GRID2: variants seen among roughly 807,000 people sequenced by gnomAD.
GRID2 encodes the protein glutamate ionotropic receptor delta type subunit 2.
A neutral mutation model predicts 114.8 loss-of-function variants in GRID2; 33 were observed. The ratio of observed to expected loss-of-function variants is 0.29; its 90% confidence interval spans 0.22 to 0.38. The LOEUF (loss-of-function observed/expected upper bound fraction) is 0.38. Among genes scored for constraint, GRID2 ranks in the 10% least tolerant of loss-of-function variants. The probability of loss-of-function intolerance (pLI) is 1.00; values close to 1 mark genes in which losing one functional copy is unlikely to be tolerated. For missense variants in GRID2, 1,184 were observed against 1,257.7 expected (o/e 0.94, Z 0.89); for synonymous variants, 505 against 449.9 (o/e 1.12, Z -1.55).
chr4:93,391,077 T>A (rs557135897), intron 8 of GRID2, among the ~76,000 whole-genome samples: 7 of 152,146 alleles, frequency 4.6e-5, no homozygotes, highest in Non-Finnish European at 1.0e-4. Context: ...CGACTACTAC[T>A]TTATAGTAAT....
intron 2 of GRID2, among the ~76,000 whole-genome samples, chr4:92,675,271 T>G (rs1263854453): frequency 6.6e-6 from 1 of 152,216 alleles, no homozygotes; most frequent in Non-Finnish European, 1.5e-5. Context: ...GCACTTTGGC[T>G]TTTGGAATAG....
chr4:92,510,856 A>G (rs899959198), intron 1 of GRID2, among the ~76,000 whole-genome samples: 4 of 94,028 alleles, frequency 4.3e-5, no homozygotes, highest in Non-Finnish European at 7.7e-5. Context: ...CAATGTGTCA[A>G]TTAAAAAAAA....
At chr4:93,218,169 C>T (rs1744455738) in intron 6 of GRID2, among the ~76,000 whole-genome samples, 1 of 152,008 alleles carries the variant, frequency 6.6e-6, no homozygotes, top group African/African-American at 2.4e-5. Flanking sequence ...TACCCTGTAA[C>T]TTTCTGTTGC....
At position 93,593,151 on chromosome 4, in the gene GRID2, G is replaced by A. The variant is rs567023896; in HGVS notation, c.2194-33118G>A. Reference sequence around the variant, plus strand: ...TTAGTTGCAGTTTCTTCCTAGTCTCGATGGGCTTTACATTTTGGCATGATT... The same window carrying A: ...TTAGTTGCAGTTTCTTCCTAGTCTCAATGGGCTTTACATTTTGGCATGATT... On this transcript the variant is annotated intron_variant, in intron 13 of 15. Coordinates refer to ENST00000282020, the MANE Select transcript of GRID2 (RefSeq NM_001510.4). Among the ~76,000 whole-genome samples the A allele has an allele frequency of 4.6e-4, 70 of 151,506 alleles. 1 individual carries two copies. Among genetic ancestry groups the A allele is most frequent in the African/African-American group, 1.6e-3 (66 of 41,360 alleles).
chr4:93,596,790 A>G (rs1739151324), intron 13 of GRID2, among the ~76,000 whole-genome samples: 1 of 152,138 alleles, frequency 6.6e-6, no homozygotes, highest in South Asian at 2.1e-4. Flanking sequence ...ATTGTTGGAT[A>G]TTGGTTTTTG....
intron 1 of GRID2, among the ~76,000 whole-genome samples, chr4:92,581,929 C>G (rs1217503961): frequency 6.6e-6 from 1 of 152,020 alleles, no homozygotes; most frequent in African/African-American, 2.4e-5. Flanking sequence ...CTAATACCCT[C>G]TGTGATCTTG....
intron 1 of GRID2, among the ~76,000 whole-genome samples, chr4:92,436,932 T>C (rs1336230157): frequency 1.3e-5 from 2 of 152,188 alleles, no homozygotes; most frequent in African/African-American, 2.4e-5. Context: ...GAATGCTTTA[T>C]GTACTAAATA....
intron 2 of GRID2, among the ~76,000 whole-genome samples, chr4:92,765,785 TC>T (rs1445633328): frequency 4.6e-5 from 7 of 152,132 alleles, no homozygotes; most frequent in Non-Finnish European, 1.0e-4. Context: ...CCACCTCAAC[TC>T]CCAGCACAGA....
At chr4:93,238,318 TA>T in intron 7 of GRID2, 52 bp from the exon 8 acceptor site, 1 of 1,348,486 alleles carries the variant, frequency 7.4e-7, no homozygotes, top group African/African-American at 1.5e-5. Flanking sequence ...TATGTTTATT[TA>T]TTTATTTTTT....
At chr4:92,335,543 T>G (rs571511238) in intron 1 of GRID2, among the ~76,000 whole-genome samples, 1 of 152,342 alleles carries the variant, frequency 6.6e-6, no homozygotes, top group African/African-American at 2.4e-5. Flanking sequence ...TTTTCAGTAT[T>G]AAGCAAAGAA....
In GRID2 at chr4:92,330,747, A is replaced by G. The variant is rs1452560270; in HGVS notation, c.88+26003A>G. On this transcript the variant is annotated intron_variant, in intron 1 of 15. Transcript: ENST00000282020. The stretch of plus-strand genomic sequence containing the variant: ...ATACATGTCATTATAAAATATATAT[A>G]TAATCATATAGCCTGTGAATTACAG... 3.3e-5 allele frequency among the ~76,000 whole-genome samples: 5 copies of G among 152,092 alleles called. No homozygotes were observed. In the East Asian group the frequency reaches 7.7e-4, roughly 23 times the overall value.
In GRID2 at chr4:92,563,289, A is replaced by G. The variant is rs147934322; in HGVS notation, c.89-26842A>G. ...ATGGAATGAGTTCTCTATGTCCTCA[A>G]CTAGAAGCTCTTTTCCCCTCCACTA... On this transcript the variant is annotated intron_variant, in intron 1 of 15. Coordinates refer to ENST00000282020, the MANE Select transcript of GRID2 (RefSeq NM_001510.4). Among the ~76,000 whole-genome samples the G allele has an allele frequency of 1.3e-4, 20 of 152,294 alleles. 1 individual carries two copies. The East Asian group carries it at 3.3e-3, about 25-fold the overall frequency.
At chr4:93,300,575 T>C (rs889287018) in intron 8 of GRID2, among the ~76,000 whole-genome samples, 7 of 152,116 alleles carry the variant, frequency 4.6e-5, no homozygotes, top group Non-Finnish European at 1.0e-4. Context: ...GGCAAATATA[T>C]CTTACTATTA....
exon 2 of GRID2, chr4:93,807,667 G>T (rs1735059195): frequency 6.6e-6 from 1 of 152,216 alleles, no homozygotes; most frequent in Admixed American, 6.5e-5. Context: ...AGATAAGTTT[G>T]TTTTCCTTAT....
chr4:93,653,179 T>C (rs931790876), intron 14 of GRID2, among the ~76,000 whole-genome samples: 2 of 151,994 alleles, frequency 1.3e-5, no homozygotes, highest in Non-Finnish European at 2.9e-5. Flanking sequence ...GGAAAAAGTT[T>C]GGAAACGTAA....
intron 14 of GRID2, among the ~76,000 whole-genome samples, chr4:93,745,805 ATATTT>A (rs1399141430): frequency 1.3e-5 from 2 of 152,194 alleles, no homozygotes; most frequent in Non-Finnish European, 2.9e-5. Flanking sequence ...TAGCTATGGC[ATATTT>A]TATTTTATTT....
At chr4:92,710,371 T>C (rs950657505) in intron 2 of GRID2, among the ~76,000 whole-genome samples, 1 of 152,202 alleles carries the variant, frequency 6.6e-6, no homozygotes, top group Non-Finnish European at 1.5e-5. Context: ...TGTGGGTGCA[T>C]TTAAAGATAA....
At chr4:93,592,098 C>A (rs539392422) in intron 13 of GRID2, among the ~76,000 whole-genome samples, 72 of 152,120 alleles carry the variant, frequency 4.7e-4, no homozygotes, top group African/African-American at 1.6e-3. Context: ...CCTTCTGCTA[C>A]CTTTTGAATT....
At chr4:92,431,550 T>C (rs1423866636) in intron 1 of GRID2, among the ~76,000 whole-genome samples, 1 of 151,762 alleles carries the variant, frequency 6.6e-6, no homozygotes, top group Non-Finnish European at 1.5e-5. Flanking sequence ...TGGCCTGTAG[T>C]TTTATTTATT....
Sources: gnomAD v4.1 joint callset for allele counts (sites outside exome capture counted in the v4.1 genomes callset) on GRCh38, gnomAD v4.1.1 for gene constraint, MANE v1.5 for transcripts, NCBI Gene and HGNC (gene_info 2026-07-23, HGNC 2026-07-21) for gene names.